Variants in FOCAD observed in about 807,000 individuals in gnomAD.
The protein encoded by FOCAD is KIAA1797.
FOCAD carries 198 observed loss-of-function variants against 225.6 expected under a neutral mutation model. That is an observed-to-expected ratio of 0.88 (90% CI 0.78 to 0.99). FOCAD has a LOEUF of 0.99. FOCAD is among the 50% of genes least tolerant of loss of function. The pLI, the probability that FOCAD is intolerant of heterozygous loss-of-function variation, is 0.00. For missense variants in FOCAD, 2,713 were observed against 2,123.6 expected (o/e 1.28, Z -5.46); for synonymous variants, 897 against 755.0 (o/e 1.19, Z -3.08).
intron 11 of FOCAD, among the ~76,000 whole-genome samples, chr9:20,798,071 T>G (rs967578764): frequency 2.6e-5 from 4 of 152,338 alleles, no homozygotes; most frequent in African/African-American, 4.8e-5. Flanking sequence ...TGTTGAATTT[T>G]GTCAAAGGCC....
intron 18 of FOCAD, 123 bp downstream of exon 18, chr9:20,867,135 C>T: frequency 1.7e-6 from 1 of 586,922 alleles, no homozygotes; most frequent in Non-Finnish European, 2.9e-6. Flanking sequence ...GTTGTCCATG[C>T]AAGATACAAA....
chr9:20,797,586 A>G (rs1358779626), intron 11 of FOCAD, among the ~76,000 whole-genome samples: 2 of 152,082 alleles, frequency 1.3e-5, no homozygotes, highest in Non-Finnish European at 2.9e-5. Context: ...GCAATTATGA[A>G]TGGGAATTCA....
chr9:20,995,245 G>A (rs924694658), intron 43 of FOCAD, among the ~76,000 whole-genome samples: 3 of 151,246 alleles, frequency 2.0e-5, no homozygotes, highest in African/African-American at 7.3e-5. Context: ...TTTACAAAGG[G>A]AACACAGCCA....
intron 10 of FOCAD, among the ~76,000 whole-genome samples, chr9:20,782,410 G>A (rs889741679): frequency 2.6e-5 from 4 of 152,018 alleles, no homozygotes; most frequent in African/African-American, 7.2e-5. Context: ...AATGGCTCTC[G>A]ATGTCCCCTG....
chr9:20,726,803 C>T (rs1428600026), intron 4 of FOCAD, among the ~76,000 whole-genome samples: 1 of 152,038 alleles, frequency 6.6e-6, no homozygotes, highest in African/African-American at 2.4e-5. Flanking sequence ...AACTTAATTG[C>T]TTTGTTATGT....
At chr9:20,811,498 A>C (rs1823073550) in intron 11 of FOCAD, among the ~76,000 whole-genome samples, 1 of 152,104 alleles carries the variant, frequency 6.6e-6, no homozygotes, top group African/African-American at 2.4e-5. Context: ...GACCTTTGCT[A>C]GTTTAGATAC....
rs75934698 is a variant in FOCAD at position 20,837,306 on chromosome 9, G to A, written c.1920+14191G>A. Among the ~76,000 whole-genome samples the A allele has an allele frequency of 5.2e-3, 783 of 152,022 alleles. 3 individuals are homozygous for A. Among genetic ancestry groups the A allele is most frequent in the Non-Finnish European group, 8.6e-3 (585 of 67,966 alleles). On this transcript the variant is annotated intron_variant, in intron 15 of 43. Transcript: ENST00000338382. Reference sequence around the variant, plus strand: ...TCAGGGTGTCCAGCCGTGAGTTTCCGGCTCTCAGTCACAAACCGAGGGCAT... The same window carrying A: ...TCAGGGTGTCCAGCCGTGAGTTTCCAGCTCTCAGTCACAAACCGAGGGCAT...
chr9:20,983,077 G>C lies in FOCAD; in HGVS notation c.4728+631G>C, dbSNP rs1840843435. Among the ~76,000 whole-genome samples the C allele has an allele frequency of 2.0e-5, 3 of 152,142 alleles. No individual in the cohort carries two copies. The South Asian group carries it at 6.2e-4, about 32-fold the overall frequency. On this transcript the variant is annotated intron_variant, in intron 39 of 43. Transcript: ENST00000338382. ...TATTCAATCAGATCCTTGAATTTCT[G>C]CATCATATGGCAGTGGTTCTCAGAA...
At chr9:20,941,777 C>G (rs1241102594) in intron 28 of FOCAD, among the ~76,000 whole-genome samples, 3 of 152,178 alleles carry the variant, frequency 2.0e-5, no homozygotes, top group East Asian at 3.9e-4. Flanking sequence ...TTTTTATTTC[C>G]TCTGTTGGAG....
intron 43 of FOCAD, among the ~76,000 whole-genome samples, chr9:20,994,184 C>G (rs1262788617): frequency 6.6e-6 from 1 of 152,344 alleles, no homozygotes; most frequent in East Asian, 1.9e-4. Context: ...ACTTCTCCTA[C>G]TTTCAGGCAT....
intron 15 of FOCAD, among the ~76,000 whole-genome samples, chr9:20,848,339 G>A (rs1175611278): frequency 6.6e-6 from 1 of 152,088 alleles, no homozygotes; most frequent in African/African-American, 2.4e-5. Context: ...TTCTGGGTCT[G>A]GGTCAGGACC....
chr9:20,946,885 G>C, intron 30 of FOCAD, 65 bp downstream of exon 30: 2 of 1,588,610 alleles, frequency 1.3e-6, no homozygotes. Flanking sequence ...TTTTGCTTTT[G>C]ACTTACTCTG....
At chr9:20,957,486 T>C (rs1838281857) in intron 35 of FOCAD, 1 of 120,118 alleles carries the variant, frequency 8.3e-6, no homozygotes, top group Non-Finnish European at 1.7e-5. Flanking sequence ...TTCTTTTTTT[T>C]TTTTTTTTGA....
rs1428836681 is a variant in FOCAD at position 20,923,881 on chromosome 9, A to G, written c.2961+113A>G. ...GATTCTGTGATTATGGCACCAAGTT[A>G]TAGTACTTGATGGGCCTTTATACTG... On this transcript the variant is annotated intron_variant, in intron 25 of 43. Transcript: ENST00000338382. 6.7e-6 allele frequency: 5 copies of G among 742,004 alleles called. No homozygotes were observed. The East Asian group carries it at 1.1e-4, about 16-fold the overall frequency. The allele number at this position is 742,004 out of a possible 1,614,324, so 46.0% of individuals were successfully genotyped here.
intron 15 of FOCAD, among the ~76,000 whole-genome samples, chr9:20,849,373 CTT>C (rs1827430403): frequency 1.3e-5 from 2 of 151,446 alleles, no homozygotes; most frequent in South Asian, 4.2e-4. Context: ...CTTCTTGAAA[CTT>C]TTTCTGGTTT....
chr9:20,919,485 A>G (rs1834183031), intron 24 of FOCAD, among the ~76,000 whole-genome samples: 1 of 152,214 alleles, frequency 6.6e-6, no homozygotes, highest in Non-Finnish European at 1.5e-5. Flanking sequence ...ATATGGAACC[A>G]AAAAGCCCAC....
At chr9:20,832,859 A>C (rs1178838169) in intron 15 of FOCAD, among the ~76,000 whole-genome samples, 1 of 152,080 alleles carries the variant, frequency 6.6e-6, no homozygotes, top group Non-Finnish European at 1.5e-5. Flanking sequence ...ATCAGTGGAC[A>C]CTTAGGTTGT....
intron 10 of FOCAD, among the ~76,000 whole-genome samples, chr9:20,785,533 A>T (rs1385556536): frequency 6.6e-6 from 1 of 151,868 alleles, no homozygotes; most frequent in African/African-American, 2.4e-5. Flanking sequence ...GGCTTTTTTC[A>T]CTTAGTATAA....
intron 5 of FOCAD, among the ~76,000 whole-genome samples, chr9:20,748,314 T>C (rs1828241754): frequency 6.6e-6 from 1 of 151,918 alleles, no homozygotes; most frequent in Non-Finnish European, 1.5e-5. Context: ...TTGGAAATGG[T>C]CTTTATAGTT....
Sources: allele counts gnomAD v4.1 joint callset (sites outside exome capture counted in the v4.1 genomes callset), GRCh38; gene constraint gnomAD v4.1.1; transcripts MANE v1.5; gene names NCBI Gene and HGNC (gene_info 2026-07-23, HGNC 2026-07-21).